The following ZNF490 variants were observed in gnomAD, a reference collection of about 807,000 sequenced individuals.
ZNF490 encodes the protein zinc finger protein 490.
Under a neutral mutation model 17.7 loss-of-function variants are expected in ZNF490, and 11 were observed. That is an observed-to-expected ratio of 0.62 (90% CI 0.39 to 1.03). The LOEUF is 1.03. Among genes scored for constraint, ZNF490 ranks in the 50% least tolerant of loss-of-function variants. ZNF490 has a pLI of 0.00. For missense variants in ZNF490, 542 were observed against 643.4 expected (o/e 0.84, Z 1.71); for synonymous variants, 222 against 216.1 (o/e 1.03, Z -0.24).
chr19:12,593,636 T>C (rs1292507180), intron 2 of ZNF490, among the ~76,000 whole-genome samples: 1 of 152,196 alleles, frequency 6.6e-6, no homozygotes, highest in East Asian at 1.9e-4. Flanking sequence ...TGGGATTTAT[T>C]GTTGGCCACT....
chr19:12,603,597 T>A (rs1301756525), intron 2 of ZNF490, among the ~76,000 whole-genome samples: 2 of 151,848 alleles, frequency 1.3e-5, no homozygotes, highest in African/African-American at 4.8e-5. Context: ...TTGAGACCAG[T>A]CTGGGCAACA....
At chr19:12,593,941 G>A (rs2022901581) in intron 2 of ZNF490, among the ~76,000 whole-genome samples, 2 of 152,190 alleles carry the variant, frequency 1.3e-5, no homozygotes, top group Non-Finnish European at 2.9e-5. Flanking sequence ...TTTGAAAGGA[G>A]GTCTGTGTAG....
At position 12,581,706 on chromosome 19, in the gene ZNF490, T is replaced by G. The variant is rs1712419595; in HGVS notation, c.369A>C (p.Ala123=). ...GACAATCTTCTTTATTTTCACAGAGTGCTTCAACCATAGGACTTCTGTAAA... is the reference window on the plus strand; with the variant it reads ...GACAATCTTCTTTATTTTCACAGAGGGCTTCAACCATAGGACTTCTGTAAA... ...GRNLRSPMVE[A]LCENKEDCPC... is the part of the protein sequence containing the mutation. The change falls in exon 5 of 5, where the codon GCA becomes GCC. Residue 123 remains alanine (A), a synonymous_variant. Coordinates refer to ENST00000311437, the MANE Select transcript of ZNF490 (RefSeq NM_020714.3). 5 of 1,611,074 alleles carry G rather than the reference T, an allele frequency of 3.1e-6. No homozygotes were observed. The highest frequency in any genetic ancestry group is 1.7e-4 in the Middle Eastern group (1 of 6,052).
intron 2 of ZNF490, among the ~76,000 whole-genome samples, chr19:12,602,306 G>C (rs2023018163): frequency 6.6e-6 from 1 of 152,124 alleles, no homozygotes; most frequent in African/African-American, 2.4e-5. Flanking sequence ...CAGCACTGCG[G>C]GAGGCCGAGG....
chr19:12,583,809 ATATTTTTTTT>A (rs1224674559), intron 2 of ZNF490, among the ~76,000 whole-genome samples: 24 of 105,110 alleles, frequency 2.3e-4, no homozygotes, highest in African/African-American at 8.8e-4. Flanking sequence ...ATATATATAT[ATATTTTTTTT>A]TTTTTTTTTT....
intron 2 of ZNF490, among the ~76,000 whole-genome samples, chr19:12,602,079 TACACACAC>T (rs61568541): frequency 0.04 from 2,766 of 68,634 alleles, 71 homozygotes; most frequent in Non-Finnish European, 0.076. Context: ...GTTCACTATA[TACACACAC>T]ACACACACAC....
At chr19:12,592,855 T>C (rs574904428) in intron 2 of ZNF490, among the ~76,000 whole-genome samples, 3 of 152,300 alleles carry the variant, frequency 2.0e-5, no homozygotes, top group Admixed American at 6.5e-5. Flanking sequence ...AACTCTGAAA[T>C]AGCTCTACAA....
chr19:12,580,992 A>G lies in ZNF490; in HGVS notation c.1083T>C (p.Pro361=), dbSNP rs1213222544. ...KHVKTHTGVQ[P]YTCKKCGEAF... is the part of the protein sequence containing the mutation. ...CTTCCCCACATTTCTTACATGTATA[A>G]GGTTGAACTCCGGTGTGGGTTTTCA... The change falls in exon 5 of 5, where the codon CCT becomes CCC. Residue 361 remains proline, a synonymous_variant. Transcript: ENST00000311437. 9.3e-6 allele frequency: 15 copies of G among 1,614,174 alleles called. No individual in the cohort carries two copies. The highest frequency in any genetic ancestry group is 1.3e-5 in the Non-Finnish European group (15 of 1,180,042).
At chr19:12,602,623 C>CTT (rs974396095) in intron 2 of ZNF490, among the ~76,000 whole-genome samples, 4 of 138,620 alleles carry the variant, frequency 2.9e-5, no homozygotes, top group African/African-American at 2.6e-5. Context: ...ATGTATATTT[C>CTT]TTTTTTTTTT....
chr19:12,602,127 C>CACACACACACACACACACAT (rs35798638), intron 2 of ZNF490, among the ~76,000 whole-genome samples: 1 of 141,898 alleles, frequency 7.0e-6, no homozygotes, highest in South Asian at 2.3e-4. Flanking sequence ...CACACACACA[C>CACACACACACACACACACAT]ATATATGGGC....
chr19:12,576,974 A>T lies in ZNF490; in HGVS notation c.*3511T>A, dbSNP rs1295376259. On this transcript the variant is annotated 3_prime_UTR_variant, in exon 5 of 5. Coordinates refer to ENST00000311437, the MANE Select transcript of ZNF490 (RefSeq NM_020714.3). Reference sequence around the variant, plus strand: ...AAATTCACAAACCCACAGGTGTAACAGCCCAGATACTAAAAGATTCTCCCA... The same window carrying T: ...AAATTCACAAACCCACAGGTGTAACTGCCCAGATACTAAAAGATTCTCCCA... Among the ~76,000 whole-genome samples the T allele has an allele frequency of 1.3e-5, 2 of 152,112 alleles. No homozygotes were observed. The highest frequency in any genetic ancestry group is 4.8e-5 in the African/African-American group (2 of 41,426).
At position 12,577,638 on chromosome 19, in the gene ZNF490, C is replaced by G. The variant is rs1282130448; in HGVS notation, c.*2847G>C. 1.0e-6 allele frequency: 1 copy of G among 985,510 alleles called. No individual in the cohort carries two copies. Among genetic ancestry groups the G allele is most frequent in the South Asian group, 4.7e-5 (1 of 21,290 alleles). The allele number at this position is 985,510 out of a possible 1,614,324, so 61.0% of individuals were successfully genotyped here. A position where few individuals can be genotyped will look rare whatever the true frequency, so the allele number is the denominator to read the frequency against. ...CTTCCACTGAGGCCTCATCTGCCAG[C>G]AAACCTTGCTCCAGTCGGCCTCTGG... On this transcript the variant is annotated 3_prime_UTR_variant, in exon 5 of 5. Coordinates refer to ENST00000311437, the MANE Select transcript of ZNF490 (RefSeq NM_020714.3).
chr19:12,583,811 A>ATTTTTTTTT (rs879747918), intron 2 of ZNF490, among the ~76,000 whole-genome samples: 6 of 78,666 alleles, frequency 7.6e-5, no homozygotes, highest in African/African-American at 3.1e-4. Flanking sequence ...ATATATATAT[A>ATTTTTTTTT]TTTTTTTTTT....
At position 12,580,318 on chromosome 19, in the gene ZNF490, A is replaced by G. The variant is rs2022710865; in HGVS notation, c.*167T>C. The G allele has an allele frequency of 5.6e-6, 8 of 1,428,622 alleles. No homozygotes were observed. The highest frequency in any genetic ancestry group is 3.4e-5 in the South Asian group (2 of 58,812). The allele number at this position is 1,428,622 out of a possible 1,614,324, so 88.5% of individuals were successfully genotyped here. The stretch of plus-strand genomic sequence containing the variant: ...GCAGGAGAGTGCAAGTTCCTCCCCC[A>G]TTTGTTAAATATTTCATTGCCGCAT... On this transcript the variant is annotated 3_prime_UTR_variant, in exon 5 of 5. Transcript: ENST00000311437.
intron 2 of ZNF490, among the ~76,000 whole-genome samples, chr19:12,596,850 T>G (rs1355885959): frequency 6.6e-6 from 1 of 152,170 alleles, no homozygotes; most frequent in Non-Finnish European, 1.5e-5. Flanking sequence ...GGATTCACCT[T>G]AATGTTCTGA....
chr19:12,601,610 C>T (rs1479627356), intron 2 of ZNF490, among the ~76,000 whole-genome samples: 1 of 152,054 alleles, frequency 6.6e-6, no homozygotes, highest in Non-Finnish European at 1.5e-5. Context: ...GTCTTGAACT[C>T]CAGGACTCAG....
chr19:12,605,996 T>C (rs2023064031), intron 2 of ZNF490, among the ~76,000 whole-genome samples: 1 of 152,032 alleles, frequency 6.6e-6, no homozygotes, highest in Non-Finnish European at 1.5e-5. Context: ...TTATCCTGCC[T>C]CAGCCTCCCA....
At chr19:12,582,624 G>C (rs565350058) in intron 4 of ZNF490, among the ~76,000 whole-genome samples, 1 of 151,522 alleles carries the variant, frequency 6.6e-6, no homozygotes, top group African/African-American at 2.4e-5. Flanking sequence ...TCGATCTCCT[G>C]ATCTCATGAT....
In ZNF490 at chr19:12,581,111, G is replaced by T; in HGVS notation, c.964C>A (p.Arg322=). 1 of 1,614,136 alleles carries T rather than the reference G, an allele frequency of 6.2e-7. No individual in the cohort carries two copies. Among genetic ancestry groups the T allele is most frequent in the East Asian group, 2.2e-5 (1 of 44,870 alleles). Reference sequence around the variant, plus strand: ...CCAGTATGAGTTTTCTCATGACTCCGTAAGTACGTGGGACAACTGAAGGCT... The same window carrying T: ...CCAGTATGAGTTTTCTCATGACTCCTTAAGTACGTGGGACAACTGAAGGCT... The part of the protein sequence containing the change: ...GKAFSCPTYL[R]SHEKTHTGEK... The change falls in exon 5 of 5, where the codon CGG becomes AGG. Residue 322 remains arginine, a synonymous_variant. Transcript: ENST00000311437.
Sources: allele counts gnomAD v4.1 joint callset (sites outside exome capture counted in the v4.1 genomes callset), GRCh38; gene constraint gnomAD v4.1.1; transcripts MANE v1.5; gene names NCBI Gene and HGNC (gene_info 2026-07-23, HGNC 2026-07-21).